GNPTAB: variants seen among roughly 807,000 people sequenced by gnomAD.
GNPTAB encodes N-acetylglucosamine-1-phosphate transferase subunits alpha and beta.
Under a neutral mutation model 136.6 loss-of-function variants are expected in GNPTAB, and 92 were observed. The ratio of observed to expected loss-of-function variants is 0.67; its 90% confidence interval spans 0.57 to 0.80. GNPTAB has a LOEUF of 0.80. Among genes scored for constraint, GNPTAB ranks in the 30% least tolerant of loss-of-function variants. GNPTAB has a pLI of 0.00. For synonymous variants in GNPTAB, 512 were observed against 535.1 expected, an observed-to-expected ratio of 0.96 and a Z score of 0.60; for missense variants, 1,343 against 1,501.8, an observed-to-expected ratio of 0.89 and a Z score of 1.75.
intron 7 of GNPTAB, among the ~76,000 whole-genome samples, chr12:101,771,538 C>T (rs2137125701): frequency 6.6e-6 from 1 of 152,322 alleles, no homozygotes; most frequent in Admixed American, 6.5e-5. Flanking sequence ...GCCACTGCAA[C>T]TGGCCTGATC....
chr12:101,779,717 A>G, intron 7 of GNPTAB: 3 of 201,116 alleles, frequency 1.5e-5, no homozygotes, highest in Non-Finnish European at 2.1e-5. Context: ...CCATGCTTCC[A>G]TTGTTCACAC....
At position 101,770,069 on chromosome 12, in the gene GNPTAB, C is replaced by T. The variant is rs1418333192; in HGVS notation, c.1236G>A (p.Gly412=). ...AAAAATCATCTGGCCAGACATCCTTCCCAAACATGACATCATCATTTAGGT... is the reference window on the plus strand; with the variant it reads ...AAAAATCATCTGGCCAGACATCCTTTCCAAACATGACATCATCATTTAGGT... ...FIYLNDDVMF[G]KDVWPDDFYS... The change falls in exon 10 of 21, where the codon GGG becomes GGA. Residue 412 remains glycine (G), a synonymous_variant. Transcript: ENST00000299314. 2.5e-6 allele frequency: 4 copies of T among 1,614,052 alleles called. No homozygotes were observed. The South Asian group carries it at 3.3e-5, about 13-fold the overall frequency.
At chr12:101,781,494 T>G (rs1337493387) in intron 5 of GNPTAB, among the ~76,000 whole-genome samples, 2 of 152,026 alleles carry the variant, frequency 1.3e-5, no homozygotes, top group Non-Finnish European at 2.9e-5. Context: ...GGCAAAACCC[T>G]GTCTCTACAA....
chr12:101,817,857 A>ACCCCGTCTCCTGTTGCCCGTTTTCC (rs1194938952), intron 1 of GNPTAB, among the ~76,000 whole-genome samples: 1 of 152,004 alleles, frequency 6.6e-6, no homozygotes, highest in Non-Finnish European at 1.5e-5. Context: ...TGGGATTTTC[A>ACCCCGTCTCCTGTTGCCCGTTTTCC]CCCCGTCTCC....
chr12:101,748,254 AT>A (rs1388382826), intron 20 of GNPTAB, among the ~76,000 whole-genome samples: 3 of 152,184 alleles, frequency 2.0e-5, no homozygotes, highest in Admixed American at 1.3e-4. Context: ...CAAGAAGCCC[AT>A]TCATTTATCC....
At chr12:101,808,936 G>A (rs573727147) in intron 1 of GNPTAB, among the ~76,000 whole-genome samples, 7 of 152,272 alleles carry the variant, frequency 4.6e-5, no homozygotes, top group African/African-American at 1.4e-4. Flanking sequence ...CAACAAAAGC[G>A]AAACTCGGTC....
chr12:101,766,596 C>T (rs532410624), intron 11 of GNPTAB, among the ~76,000 whole-genome samples: 38 of 152,284 alleles, frequency 2.5e-4, no homozygotes, highest in African/African-American at 9.1e-4. Flanking sequence ...CAAGATTACA[C>T]CACTGCACTC....
At chr12:101,768,369 C>A (rs1351626634) in intron 10 of GNPTAB, among the ~76,000 whole-genome samples, 1 of 152,162 alleles carries the variant, frequency 6.6e-6, no homozygotes, top group Non-Finnish European at 1.5e-5. Flanking sequence ...TCTTACTGAG[C>A]GTATTTACTT....
In GNPTAB at chr12:101,768,179, GAAAAT is replaced by G. The variant is rs1017936536; in HGVS notation, c.1285-24_1285-20del. On this transcript the variant is annotated intron_variant, in intron 10 of 20. Transcript: ENST00000299314. ...AATAAACCTACGATAAAACCAAAGA[GAAAAT>G]AAAATGACTTCTGGCTTCTGATACA... 3 of 1,613,508 alleles carry G rather than the reference GAAAAT, an allele frequency of 1.9e-6. No homozygotes were observed. The African/African-American group carries it at 4.0e-5, about 22-fold the overall frequency.
chr12:101,772,672 C>T (rs1224924106), intron 7 of GNPTAB, among the ~76,000 whole-genome samples: 1 of 152,154 alleles, frequency 6.6e-6, no homozygotes, highest in Non-Finnish European at 1.5e-5. Flanking sequence ...AGGCAGGCCA[C>T]ACAGGGGGAT....
chr12:101,796,744 G>T lies in GNPTAB; in HGVS notation c.136C>A (p.Arg46=), dbSNP rs78347057. The T allele has an allele frequency of 1.7e-3, 2,754 of 1,611,930 alleles. 45 individuals carry two copies. In the African/African-American group the frequency reaches 0.032, roughly 19 times the overall value. ...TCAAACAAAACATGGTATTGATCTC[G>T]GCTCCATTCCAGAACCACCTAGAAC... ...QFGEVVLEWS[R]DQYHVLFDSY... The change falls in exon 2 of 21, where the codon CGA becomes AGA. Residue 46 remains arginine (R), a synonymous_variant. Coordinates refer to ENST00000299314, the MANE Select transcript of GNPTAB (RefSeq NM_024312.5).
At chr12:101,780,657 A>G (rs752024819) in intron 5 of GNPTAB, 36 bp from the exon 6 acceptor site, 2 of 1,298,040 alleles carry the variant, frequency 1.5e-6, no homozygotes, top group Non-Finnish European at 2.2e-6. Context: ...GCACATTTTT[A>G]ATGAATACTC....
At chr12:101,771,361 A>G (rs536861930) in intron 7 of GNPTAB, among the ~76,000 whole-genome samples, 68 of 151,270 alleles carry the variant, frequency 4.5e-4, no homozygotes, top group African/African-American at 1.7e-3. Context: ...CTCCTGCCTC[A>G]GCCTCCTGAG....
At chr12:101,762,015 C>T (rs886069442) in intron 13 of GNPTAB, among the ~76,000 whole-genome samples, 6 of 152,130 alleles carry the variant, frequency 3.9e-5, no homozygotes, top group African/African-American at 1.4e-4. Context: ...TAACAACAGT[C>T]ACATATGGAG....
At chr12:101,783,453 G>T (rs1010213968) in intron 5 of GNPTAB, among the ~76,000 whole-genome samples, 1 of 152,206 alleles carries the variant, frequency 6.6e-6, no homozygotes, top group Non-Finnish European at 1.5e-5. Context: ...TAACCTACGT[G>T]AGAAAGTTAT....
At chr12:101,751,587 T>C (rs1952820196) in intron 19 of GNPTAB, among the ~76,000 whole-genome samples, 1 of 152,206 alleles carries the variant, frequency 6.6e-6, no homozygotes, top group Admixed American at 6.5e-5. Context: ...TGGAATATAG[T>C]GGAATGTGCA....
Position 101,765,147 on chromosome 12 carries a change from A to G in GNPTAB, c.1770T>C (p.Ser590=). Residue 590 remains serine, a synonymous_variant, in exon 13 of 21, where the codon TCT becomes TCC. Coordinates refer to ENST00000299314, the MANE Select transcript of GNPTAB (RefSeq NM_024312.5). ...GGATGGTTTTCCACTTGTTGGCAAT[A>G]GAAGCATGTCGAATTATTGGATTGT... ...YSDNPIIRHA[S]IANKWKTIHL... 1.2e-6 allele frequency: 2 copies of G among 1,614,204 alleles called. No individual in the cohort carries two copies. Among genetic ancestry groups the G allele is most frequent in the South Asian group, 2.2e-5 (2 of 91,080 alleles).
intron 2 of GNPTAB, chr12:101,796,021 A>G: frequency 2.2e-6 from 1 of 451,968 alleles, no homozygotes. Flanking sequence ...GGCACTAAGA[A>G]GCTTGGCCTT....
At position 101,764,812 on chromosome 12, in the gene GNPTAB, A is replaced by C; in HGVS notation, c.2105T>G (p.Leu702Arg). ...EVKIPLVNIS[L>R]LPKDAQLSLN... ...ACTCAACTGGGCGTCTTTTGGAAGG[A>C]GTGAAATATTTACCAGGGGAATTTT... Residue 702 changes from leucine (L) to arginine (R), a missense_variant, in exon 13 of 21, where the codon CTC (leucine) becomes CGC (arginine). Leu to Arg is a moderately radical substitution (Grantham distance 102, BLOSUM62 -2). Coordinates refer to ENST00000299314, the MANE Select transcript of GNPTAB (RefSeq NM_024312.5). 1 of 1,614,206 alleles carries C rather than the reference A, an allele frequency of 6.2e-7. No homozygotes were observed. Among genetic ancestry groups the C allele is most frequent in the South Asian group, 1.1e-5 (1 of 91,090 alleles).
Sources: allele counts gnomAD v4.1 joint callset (sites outside exome capture counted in the v4.1 genomes callset), GRCh38; gene constraint gnomAD v4.1.1; transcripts MANE v1.5; gene names NCBI Gene and HGNC (gene_info 2026-07-23, HGNC 2026-07-21).